The following MBOAT1 variants were observed in gnomAD, a reference collection of about 807,000 sequenced individuals.
MBOAT1 encodes membrane bound glycerophospholipid O-acyltransferase 1.
In MBOAT1, 67 loss-of-function variants were observed where a neutral mutation model predicts 64.4. That is an observed-to-expected ratio of 1.04 (90% CI 0.85 to 1.27). The LOEUF (loss-of-function observed/expected upper bound fraction) is 1.27, where lower values mean the gene tolerates loss of function less well. Among genes scored for constraint, MBOAT1 ranks in the 50% most tolerant of loss-of-function variants. MBOAT1 has a pLI of 0.00. For synonymous variants in MBOAT1, 229 were observed against 218.9 expected (o/e 1.05, Z -0.41); for missense variants, 563 against 604.6 (o/e 0.93, Z 0.72).
chr6:20,131,753 A>G (rs1760836614), intron 4 of MBOAT1, among the ~76,000 whole-genome samples: 1 of 152,226 alleles, frequency 6.6e-6, no homozygotes, highest in Admixed American at 6.5e-5. Context: ...ATCACTTTAC[A>G]TAGATAGATA....
rs538301375 is a variant in MBOAT1 at position 20,104,038 on chromosome 6, A to G, written c.1362-1626T>C. Among the ~76,000 whole-genome samples the G allele has an allele frequency of 6.7e-4, 102 of 152,274 alleles. 3 individuals are homozygous for G. The South Asian group carries it at 0.021, about 31-fold the overall frequency. The stretch of plus-strand genomic sequence containing the variant: ...TTTATCTTTGCCAGATTTTTACTGT[A>G]CCTTCTCTATGTTTAGATACACAAA... On this transcript the variant is annotated intron_variant, in intron 12 of 12. Coordinates refer to ENST00000324607, the MANE Select transcript of MBOAT1 (RefSeq NM_001080480.3).
At chr6:20,129,449 C>T (rs180745494) in intron 5 of MBOAT1, among the ~76,000 whole-genome samples, 2 of 151,980 alleles carry the variant, frequency 1.3e-5, no homozygotes, top group African/African-American at 4.8e-5. Flanking sequence ...AACTCTAAAA[C>T]TGTATATTCA....
chr6:20,121,306 A>G (rs60402020), intron 8 of MBOAT1, among the ~76,000 whole-genome samples: 25,229 of 152,160 alleles, frequency 0.17, 2,389 homozygotes, highest in East Asian at 0.41. Flanking sequence ...TCCCTGATAC[A>G]CTATTCATTG....
intron 3 of MBOAT1, among the ~76,000 whole-genome samples, chr6:20,145,234 A>ACT (rs3057685): frequency 0.85 from 129,448 of 151,982 alleles, 55,727 homozygotes; most frequent in East Asian, 1. Flanking sequence ...GAGAGCACTC[A>ACT]CTTTGTGCTA....
chr6:20,128,799 TA>T, intron 5 of MBOAT1, 46 bp from the exon 6 acceptor site: 1 of 1,358,458 alleles, frequency 7.4e-7, no homozygotes, highest in Non-Finnish European at 1.0e-6. Flanking sequence ...TGAAGTGAAT[TA>T]GATGACAAAT....
chr6:20,153,240 A>T (rs1761580836), intron 1 of MBOAT1, among the ~76,000 whole-genome samples: 1 of 152,196 alleles, frequency 6.6e-6, no homozygotes, highest in East Asian at 1.9e-4. Context: ...TAACAGAACA[A>T]GAAAACTATA....
Position 20,212,412 on chromosome 6 carries a change from CTCGAGGCGCAAACTT to C in MBOAT1, c.-193_-179del, listed in dbSNP as rs1305157834. The C allele has an allele frequency of 9.8e-6, 6 of 610,534 alleles. No individual in the cohort carries two copies. The highest frequency in any genetic ancestry group is 1.7e-5 in the Non-Finnish European group (6 of 354,990). 37.8% of individuals were successfully genotyped at this position (610,534 alleles called of 1,614,324 possible). Reference sequence around the variant, plus strand: ...GGCGCAAACTCTCGAGGCGCAAACTCTCGAGGCGCAAACTTGGCTTTGGCGCTGGCGCTGCAGCCA... The same window carrying C: ...GGCGCAAACTCTCGAGGCGCAAACTCGGCTTTGGCGCTGGCGCTGCAGCCA... On this transcript the variant is annotated 5_prime_UTR_variant, in exon 1 of 13. Transcript: ENST00000324607.
chr6:20,130,272 T>A (rs1200925912), intron 5 of MBOAT1, among the ~76,000 whole-genome samples: 1 of 152,232 alleles, frequency 6.6e-6, no homozygotes, highest in Non-Finnish European at 1.5e-5. Context: ...TCACACTTTC[T>A]GGCCATTTTT....
At chr6:20,195,521 A>T (rs1266702458) in intron 1 of MBOAT1, among the ~76,000 whole-genome samples, 3 of 152,164 alleles carry the variant, frequency 2.0e-5, no homozygotes, top group African/African-American at 7.2e-5. Flanking sequence ...TGGTCTTAGA[A>T]ACCAAGATCC....
intron 8 of MBOAT1, among the ~76,000 whole-genome samples, chr6:20,122,726 G>C (rs993207375): frequency 3.9e-5 from 6 of 152,046 alleles, no homozygotes; most frequent in Admixed American, 3.3e-4. Flanking sequence ...AGAGATAGAC[G>C]GTGGTGATAG....
rs1315429992 is a variant in MBOAT1 at position 20,100,797 on chromosome 6, T to C, written c.*1489A>G. Among the ~76,000 whole-genome samples, 1 of 152,182 alleles carries C rather than the reference T, an allele frequency of 6.6e-6. No homozygotes were observed. The highest frequency in any genetic ancestry group is 2.4e-5 in the African/African-American group (1 of 41,420). ...AATTTTCTTCTCCCAAGCAATCTGATTGGCAGTACACCATTGCAGCATATA... is the reference window on the plus strand; with the variant it reads ...AATTTTCTTCTCCCAAGCAATCTGACTGGCAGTACACCATTGCAGCATATA... On this transcript the variant is annotated 3_prime_UTR_variant, in exon 13 of 13. Transcript: ENST00000324607.
intron 1 of MBOAT1, among the ~76,000 whole-genome samples, chr6:20,199,564 T>A (rs907411556): frequency 1.1e-4 from 17 of 152,260 alleles, no homozygotes; most frequent in African/African-American, 4.1e-4. Context: ...CCAGTCTGCA[T>A]ACATGAATAA....
intron 8 of MBOAT1, among the ~76,000 whole-genome samples, 194 bp downstream of exon 8, chr6:20,124,214 T>G (rs778160325): frequency 4.0e-4 from 61 of 152,154 alleles, no homozygotes; most frequent in Non-Finnish European, 6.9e-4. Flanking sequence ...TTTCTCCTTA[T>G]CATGGAGAAC....
Position 20,102,274 on chromosome 6 carries a change from C to T in MBOAT1, c.*12G>A. On this transcript the variant is annotated 3_prime_UTR_variant, in exon 13 of 13. Transcript: ENST00000324607. ...TTCTGCAGTTTTGCTTGTTCCGCTT[C>T]TCTTGGAGGTATCAATCTGTTTTTC... The T allele has an allele frequency of 6.2e-7, 1 of 1,612,290 alleles. No individual in the cohort carries two copies. Among genetic ancestry groups the T allele is most frequent in the Non-Finnish European group, 8.5e-7 (1 of 1,179,422 alleles).
chr6:20,152,103 C>T (rs1291285199), intron 2 of MBOAT1, among the ~76,000 whole-genome samples: 1 of 151,922 alleles, frequency 6.6e-6, no homozygotes, highest in Non-Finnish European at 1.5e-5. Flanking sequence ...GATGGATCGC[C>T]TGAGCTCAGG....
At chr6:20,164,332 G>A (rs1003398771) in intron 1 of MBOAT1, among the ~76,000 whole-genome samples, 1 of 151,992 alleles carries the variant, frequency 6.6e-6, no homozygotes, top group African/African-American at 2.4e-5. Flanking sequence ...AGACTTACAA[G>A]GTTAAGTGGG....
chr6:20,194,872 G>A (rs953095493), intron 1 of MBOAT1, among the ~76,000 whole-genome samples: 10 of 151,776 alleles, frequency 6.6e-5, no homozygotes, highest in African/African-American at 2.2e-4. Flanking sequence ...TATTTATATC[G>A]GTATGAACTC....
intron 1 of MBOAT1, among the ~76,000 whole-genome samples, chr6:20,198,929 T>C (rs1013208168): frequency 2.0e-5 from 3 of 152,244 alleles, no homozygotes; most frequent in Non-Finnish European, 2.9e-5. Flanking sequence ...TAAATGTTCT[T>C]CTGTACATCG....
chr6:20,106,254 T>C (rs557283684), intron 12 of MBOAT1, among the ~76,000 whole-genome samples: 1 of 152,358 alleles, frequency 6.6e-6, no homozygotes, highest in South Asian at 2.1e-4. Flanking sequence ...CAATCTGGAA[T>C]AGCCACTGGC....
Sources: gnomAD v4.1 joint callset for allele counts (sites outside exome capture counted in the v4.1 genomes callset) on GRCh38, gnomAD v4.1.1 for gene constraint, MANE v1.5 for transcripts, NCBI Gene and HGNC (gene_info 2026-07-23, HGNC 2026-07-21) for gene names.